IL17REL: variants seen among roughly 807,000 people sequenced by gnomAD.
IL17REL encodes the protein interleukin 17 receptor E like, also known as interleukin-17 receptor E-like protein.
IL17REL carries 36 observed loss-of-function variants against 49.0 expected under a neutral mutation model. The ratio of observed to expected loss-of-function variants is 0.73; its 90% CI spans 0.56 to 0.97. The LOEUF is 0.97. Among genes scored for constraint, IL17REL ranks in the 50% least tolerant of loss-of-function variants. The probability of loss-of-function intolerance (pLI) is 0.00; values close to 1 mark genes in which losing one functional copy is unlikely to be tolerated. For missense variants in IL17REL, 470 were observed against 453.9 expected (o/e 1.04, Z -0.32); for synonymous variants, 206 against 192.4 (o/e 1.07, Z -0.58).
intron 9 of IL17REL, 134 bp downstream of exon 11, chr22:49,997,891 C>G (rs539589546): frequency 5.7e-6 from 8 of 1,401,302 alleles, no homozygotes; most frequent in Non-Finnish European, 7.0e-6. Context: ...CACTGTCAGA[C>G]CAGGAGGGGG....
chr22:49,999,707 G>T (rs2061063774), intron 5 of IL17REL, 121 bp downstream of exon 7: 6 of 548,990 alleles, frequency 1.1e-5, no homozygotes, highest in Non-Finnish European at 1.2e-5. Flanking sequence ...GGCCTGGCCG[G>T]GGGCGGGGCG....
chr22:49,992,376 GTC>G (rs2146729987), downstream of IL17REL, among the ~76,000 whole-genome samples: 1 of 152,354 alleles, frequency 6.6e-6, no homozygotes, highest in Non-Finnish European at 1.5e-5. Flanking sequence ...TGCCTCTGCA[GTC>G]TCTGTTCACA....
At chr22:50,001,965 G>A (rs2061082462) in intron 1 of IL17REL, among the ~76,000 whole-genome samples, 1 of 152,230 alleles carries the variant, frequency 6.6e-6, no homozygotes, top group African/African-American at 2.4e-5. Flanking sequence ...GCTGCTCAGC[G>A]GAGCCCACAC....
exon 5 of IL17REL, chr22:49,999,894 G>A (rs986693804): frequency 2.6e-6 from 4 of 1,541,936 alleles, no homozygotes; most frequent in Non-Finnish European, 3.5e-6. Flanking sequence ...AGTAGTCGGG[G>A]CTCCCGGAGG....
exon 7 of IL17REL, chr22:49,999,310 C>T: frequency 6.2e-7 from 1 of 1,613,066 alleles, no homozygotes; most frequent in Non-Finnish European, 8.5e-7. Flanking sequence ...AGGGGCAGAT[C>T]TGGATCCGCA....
At chr22:49,999,563 G>C in intron 5 of IL17REL, 61 bp from the exon 8 acceptor site, 1 of 1,262,680 alleles carries the variant, frequency 7.9e-7, no homozygotes, top group Non-Finnish European at 1.1e-6. Context: ...TCTGGGGTGG[G>C]CGGGACCTGC....
chr22:49,993,281 G>A (rs1015392271), downstream of IL17REL, among the ~76,000 whole-genome samples: 2 of 152,328 alleles, frequency 1.3e-5, no homozygotes, highest in Admixed American at 6.5e-5. The surrounding 1 kb of genome is among the most constrained non-coding windows in gnomAD (Gnocchi z 6.0). Context: ...AGGCTCACCC[G>A]TGTTATACTG....
chr22:50,008,583 C>G (rs759085483), intron 1 of IL17REL, 54 bp downstream of exon 2: 2 of 152,572 alleles, frequency 1.3e-5, no homozygotes, highest in Non-Finnish European at 2.9e-5. Flanking sequence ...GCCCTGGTAG[C>G]CTGGGGTGGG....
At chr22:49,997,516 G>T in intron 10 of IL17REL, 33 bp from the exon 13 acceptor site, 1 of 1,368,188 alleles carries the variant, frequency 7.3e-7, no homozygotes, top group Non-Finnish European at 1.0e-6. Flanking sequence ...CCCCCATCCG[G>T]CCCAGCACCC....
upstream of IL17REL, among the ~76,000 whole-genome samples, chr22:50,010,220 G>C (rs531026789): frequency 8.5e-5 from 13 of 152,364 alleles, no homozygotes; most frequent in African/African-American, 3.1e-4. Flanking sequence ...CCAGCGTCCT[G>C]ATGGAAGCCC....
chr22:49,998,879 CTGTGCATGTGTG>C (rs1298403935), intron 7 of IL17REL, among the ~76,000 whole-genome samples: 2 of 146,374 alleles, frequency 1.4e-5, no homozygotes, highest in Non-Finnish European at 3.0e-5. Context: ...TCATGGGTGT[CTGTGCATGTGTG>C]TGTGCATGTG....
downstream of IL17REL, among the ~76,000 whole-genome samples, chr22:49,993,635 TAAC>T (rs2061017228): frequency 6.6e-6 from 1 of 152,156 alleles, no homozygotes; most frequent in Non-Finnish European, 1.5e-5. This position sits in a 1 kb window ranked among gnomAD's most constrained non-coding sequence, Gnocchi z 6.0. Flanking sequence ...CACAGCCTCT[TAAC>T]AGTCCCCAAA....
intron 10 of IL17REL, chr22:49,997,423 G>A (rs753285764): frequency 1.8e-5 from 29 of 1,612,610 alleles, no homozygotes; most frequent in South Asian, 1.6e-4. Flanking sequence ...GGGGCTGGAC[G>A]AGAAGAAGGT....
At chr22:49,997,764 G>A (rs1263105150) in intron 9 of IL17REL, 22 bp from the exon 12 acceptor site, 2 of 1,612,842 alleles carry the variant, frequency 1.2e-6, no homozygotes, top group Non-Finnish European at 1.7e-6. Context: ...GGTGAGGGGT[G>A]CAGGAGGGTG....
chr22:50,006,168 C>T (rs1167698043), intron 1 of IL17REL, among the ~76,000 whole-genome samples: 2 of 152,004 alleles, frequency 1.3e-5, no homozygotes, highest in African/African-American at 4.8e-5. Flanking sequence ...CTGGGTTAGC[C>T]AGAGCTGGAC....
chr22:49,997,504 G>A (rs2061043881), intron 10 of IL17REL, 21 bp from the exon 13 acceptor site: 1 of 1,426,802 alleles, frequency 7.0e-7, no homozygotes, highest in East Asian at 2.4e-5. Flanking sequence ...TGAAGGGTGA[G>A]ACCCCCATCC....
At chr22:50,006,623 C>G (rs2061111809) in intron 1 of IL17REL, among the ~76,000 whole-genome samples, 1 of 152,104 alleles carries the variant, frequency 6.6e-6, no homozygotes, top group African/African-American at 2.4e-5. Flanking sequence ...GAAACAAAAC[C>G]ACCACGACAG....
chr22:50,009,621 C>T (rs369901019), upstream of IL17REL, among the ~76,000 whole-genome samples: 63 of 75,600 alleles, frequency 8.3e-4, 1 homozygote, highest in East Asian at 0.019. Flanking sequence ...ACAGACCGGA[C>T]GGGGAAGCCC....
At chr22:50,001,207 C>CAT in exon 2 of IL17REL, 1 of 1,522,742 alleles carries the variant, frequency 6.6e-7, no homozygotes, top group Non-Finnish European at 9.0e-7. Flanking sequence ...GGGGCGTGGC[C>CAT]GGCAGAAGCT....
Sources: gnomAD v4.1 joint callset for allele counts (sites outside exome capture counted in the v4.1 genomes callset) on GRCh38, gnomAD v4.1.1 for gene constraint, Gnocchi (gnomAD v3.1) non-coding constraint, MANE v1.5 for transcripts, NCBI Gene and HGNC (gene_info 2026-07-23, HGNC 2026-07-21) for gene names.